PDE10A: variants seen among roughly 807,000 people sequenced by gnomAD.
PDE10A encodes the protein phosphodiesterase 10A, also known as cAMP and cAMP-inhibited cGMP 3',5'-cyclic phosphodiesterase 10A.
In PDE10A, 39 loss-of-function variants were observed where a neutral mutation model predicts 97.7. The observed-to-expected ratio is 0.40, with a 90% confidence interval of 0.31 to 0.52. The LOEUF (loss-of-function observed/expected upper bound fraction) is 0.52, where lower values mean the gene tolerates loss of function less well. Ranked by LOEUF, PDE10A falls within the 20% of genes least tolerant of loss-of-function variation. The pLI is 0.56. For missense variants in PDE10A, 731 were observed against 1,047.8 expected, an observed-to-expected ratio of 0.70 and a Z score of 4.17; for synonymous variants, 371 against 376.8, an observed-to-expected ratio of 0.98 and a Z score of 0.18.
chr6:165,515,807 C>T (rs940474848), intron 2 of PDE10A, among the ~76,000 whole-genome samples: 7 of 152,206 alleles, frequency 4.6e-5, no homozygotes, highest in South Asian at 2.1e-4. Context: ...CAGGAGTGAG[C>T]CAACGCGCCC....
At chr6:165,891,827 C>G (rs1337088192) in intron 1 of PDE10A, among the ~76,000 whole-genome samples, 2 of 152,178 alleles carry the variant, frequency 1.3e-5, no homozygotes, top group African/African-American at 4.8e-5. Flanking sequence ...CATGTCTCAT[C>G]TCCGTTCTAG....
chr6:165,567,100 A>C (rs1253761946), intron 1 of PDE10A, among the ~76,000 whole-genome samples: 1 of 152,262 alleles, frequency 6.6e-6, no homozygotes, highest in Non-Finnish European at 1.5e-5. Context: ...ACACAATGGA[A>C]TATCATACAA....
At chr6:165,822,818 TACTGTGTA>T (rs1223960889) in intron 1 of PDE10A, among the ~76,000 whole-genome samples, 2 of 152,148 alleles carry the variant, frequency 1.3e-5, no homozygotes, top group Admixed American at 6.5e-5. Flanking sequence ...AAACTTAGCT[TACTGTGTA>T]ACTTTTTAAC....
chr6:165,867,163 C>G (rs553282609), intron 1 of PDE10A, among the ~76,000 whole-genome samples: 16 of 151,248 alleles, frequency 1.1e-4, no homozygotes, highest in African/African-American at 3.1e-4. Context: ...GAGTAAGTTC[C>G]CACCTACAAA....
At chr6:165,371,319 T>A (rs1397179402) in intron 18 of PDE10A, among the ~76,000 whole-genome samples, 6 of 151,640 alleles carry the variant, frequency 4.0e-5, no homozygotes, top group Admixed American at 3.9e-4. Context: ...TCAACAAAAT[T>A]GATAGACTGC....
At chr6:165,586,251 C>T (rs1785905516) in intron 1 of PDE10A, among the ~76,000 whole-genome samples, 1 of 152,112 alleles carries the variant, frequency 6.6e-6, no homozygotes, top group African/African-American at 2.4e-5. Flanking sequence ...TATTTTGTGC[C>T]TCAACTTCCT....
At position 165,793,574 on chromosome 6, in the gene PDE10A, C is replaced by G. The variant is rs186311147; in HGVS notation, c.-615+193955G>C. Among the ~76,000 whole-genome samples, 100 of 152,264 alleles carry G rather than the reference C, an allele frequency of 6.6e-4. 1 individual carries two copies. Among genetic ancestry groups the G allele is most frequent in the Admixed American group, 1.8e-3 (27 of 15,298 alleles). ...CTGACACAACCTGTGCTCTCCACAC[C>G]CCCAGCTTTCCATGACAAGACTCAC... is the stretch of plus-strand genomic sequence containing the variant. On this transcript the variant is annotated intron_variant, in intron 1 of 19. Transcript: ENST00000366882.
intron 1 of PDE10A, among the ~76,000 whole-genome samples, chr6:165,677,270 C>G (rs1485398872): frequency 6.6e-6 from 1 of 152,240 alleles, no homozygotes; most frequent in Non-Finnish European, 1.5e-5. Flanking sequence ...TGCTTCCCAA[C>G]AGCCTTCAGG....
intron 1 of PDE10A, among the ~76,000 whole-genome samples, chr6:165,622,982 T>G (rs903729660): frequency 6.6e-5 from 10 of 152,144 alleles, no homozygotes; most frequent in Non-Finnish European, 1.5e-4. Flanking sequence ...CTCCTGCTCT[T>G]GCAGGTGACG....
intron 1 of PDE10A, chr6:165,660,477 G>A (rs1790188127): frequency 6.6e-6 from 1 of 152,354 alleles, no homozygotes; most frequent in South Asian, 2.1e-4. Flanking sequence ...GTGTACGAGA[G>A]GCCGCTGACC....
chr6:165,630,241 A>G (rs1029727672), intron 1 of PDE10A, among the ~76,000 whole-genome samples: 4 of 152,140 alleles, frequency 2.6e-5, no homozygotes, highest in Non-Finnish European at 4.4e-5. Flanking sequence ...CCAGCTACCC[A>G]GGAGGTTCAG....
intron 18 of PDE10A, among the ~76,000 whole-genome samples, chr6:165,373,701 T>C (rs1279322350): frequency 6.6e-6 from 1 of 152,054 alleles, no homozygotes; most frequent in Non-Finnish European, 1.5e-5. Flanking sequence ...GAACTAGAAA[T>C]ACCATGTGAC....
chr6:165,649,922 A>G (rs964542067), intron 1 of PDE10A, among the ~76,000 whole-genome samples: 1 of 152,248 alleles, frequency 6.6e-6, no homozygotes, highest in African/African-American at 2.4e-5. Flanking sequence ...CATCAATTGC[A>G]TCAGTCAGAA....
At chr6:165,731,025 G>A (rs946089769) in intron 1 of PDE10A, among the ~76,000 whole-genome samples, 2 of 152,178 alleles carry the variant, frequency 1.3e-5, no homozygotes, top group African/African-American at 4.8e-5. Flanking sequence ...CAGCCTGGGC[G>A]ACAGTGAGAC....
Position 165,712,842 on chromosome 6 carries a change from G to A in PDE10A, c.-614-169274C>T, listed in dbSNP as rs188891613. Among the ~76,000 whole-genome samples, 1,078 of 152,054 alleles carry A rather than the reference G, an allele frequency of 7.1e-3. 4 individuals are homozygous for A. The highest frequency in any genetic ancestry group is 9.5e-3 in the Non-Finnish European group (646 of 67,948). On this transcript the variant is annotated intron_variant, in intron 1 of 19. Transcript: ENST00000366882. Reference sequence around the variant, plus strand: ...TTTTTAGTAGAGACGGAGCTTCACCGTGTTAGCCAGGATGGTCTCGATCTC... The same window carrying A: ...TTTTTAGTAGAGACGGAGCTTCACCATGTTAGCCAGGATGGTCTCGATCTC...
chr6:165,857,563 G>A (rs1780773809), intron 1 of PDE10A, among the ~76,000 whole-genome samples: 1 of 151,936 alleles, frequency 6.6e-6, no homozygotes, highest in South Asian at 2.1e-4. Flanking sequence ...GGCATCCTTT[G>A]AGGTTGCATA....
chr6:165,768,575 C>T (rs1046462659), intron 1 of PDE10A, among the ~76,000 whole-genome samples: 9 of 152,088 alleles, frequency 5.9e-5, no homozygotes, highest in Non-Finnish European at 1.2e-4. Context: ...TGAACACCTA[C>T]AGGAAGAATC....
At chr6:165,740,599 C>T (rs1056889340) in intron 1 of PDE10A, among the ~76,000 whole-genome samples, 2 of 152,144 alleles carry the variant, frequency 1.3e-5, no homozygotes, top group Admixed American at 1.3e-4. Flanking sequence ...TCCCAAAGTG[C>T]TGGGATTACA....
chr6:165,944,839 A>G (rs929979015), intron 1 of PDE10A, among the ~76,000 whole-genome samples: 2 of 152,170 alleles, frequency 1.3e-5, no homozygotes, highest in East Asian at 1.9e-4. Context: ...TTGAAAAAAA[A>G]GTATCTTCTA....
Sources: allele counts gnomAD v4.1 joint callset (sites outside exome capture counted in the v4.1 genomes callset), GRCh38; gene constraint gnomAD v4.1.1; transcripts MANE v1.5; gene names NCBI Gene and HGNC (gene_info 2026-07-23, HGNC 2026-07-21).